The following IMMP2L variants were observed in gnomAD, a reference collection of about 807,000 sequenced individuals.
IMMP2L encodes mitochondrial inner membrane protease subunit 2.
Under a neutral mutation model 19.3 loss-of-function variants are expected in IMMP2L, and 18 were observed. The observed-to-expected ratio is 0.93, with a 90% CI of 0.64 to 1.38. The LOEUF (loss-of-function observed/expected upper bound fraction) is 1.38, where lower values mean the gene tolerates loss of function less well. Ranked by LOEUF, IMMP2L falls within the 40% of genes most tolerant of loss-of-function variation. IMMP2L has a pLI of 0.00. For missense variants in IMMP2L, 233 were observed against 218.2 expected (o/e 1.07, Z -0.43); for synonymous variants, 76 against 73.0 (o/e 1.04, Z -0.21).
At chr7:111,159,277 A>C (rs1047585074) in intron 3 of IMMP2L, among the ~76,000 whole-genome samples, 1 of 151,930 alleles carries the variant, frequency 6.6e-6, no homozygotes, top group African/African-American at 2.4e-5. Flanking sequence ...CACCACGCCC[A>C]GCTAATTTTT....
At chr7:110,676,136 T>C (rs1178769919) in intron 5 of IMMP2L, among the ~76,000 whole-genome samples, 2 of 152,244 alleles carry the variant, frequency 1.3e-5, no homozygotes, top group African/African-American at 4.8e-5. Context: ...TCAAAATTCA[T>C]GCTGCTCCCA....
At chr7:110,766,932 A>G (rs11981602) in intron 5 of IMMP2L, among the ~76,000 whole-genome samples, 60,672 of 151,888 alleles carry the variant, frequency 0.4, 12,281 homozygotes, top group African/African-American at 0.45. Flanking sequence ...GGAAACTTAC[A>G]GCAATTTTCA....
intron 3 of IMMP2L, among the ~76,000 whole-genome samples, chr7:111,371,862 T>C (rs1470665012): frequency 6.6e-6 from 1 of 152,104 alleles, no homozygotes; most frequent in African/African-American, 2.4e-5. Context: ...TAAAATATTG[T>C]GAAAACACTG....
chr7:111,055,749 G>A (rs1258339408), intron 3 of IMMP2L, among the ~76,000 whole-genome samples: 2 of 152,196 alleles, frequency 1.3e-5, no homozygotes, highest in African/African-American at 4.8e-5. Context: ...GAGGGATGAG[G>A]AAATTCAGGA....
chr7:110,825,264 A>G (rs1328510973), intron 5 of IMMP2L, among the ~76,000 whole-genome samples: 1 of 152,166 alleles, frequency 6.6e-6, no homozygotes, highest in Non-Finnish European at 1.5e-5. Context: ...ATACTGCCCA[A>G]GGTAATTTAT....
At position 111,503,659 on chromosome 7, in the gene IMMP2L, G is replaced by C. The variant is rs535672189; in HGVS notation, c.136-16318C>G. On this transcript the variant is annotated intron_variant, in intron 2 of 5. Transcript: ENST00000405709. The stretch of plus-strand genomic sequence containing the variant: ...GCTTCATCCCTGGGATGAAAGGCTA[G>C]TTCAACATACACAAATCAATAAATG... 7.9e-5 allele frequency among the ~76,000 whole-genome samples: 12 copies of C among 152,260 alleles called. No individual in the cohort carries two copies. The East Asian group carries it at 2.3e-3, about 29-fold the overall frequency.
intron 5 of IMMP2L, among the ~76,000 whole-genome samples, chr7:110,679,795 A>T (rs1231866647): frequency 1.3e-5 from 2 of 152,210 alleles, no homozygotes; most frequent in African/African-American, 4.8e-5. Context: ...GAAAATAAAC[A>T]ACCAGAAATG....
intron 3 of IMMP2L, among the ~76,000 whole-genome samples, chr7:111,243,071 T>C (rs1017359899): frequency 6.6e-5 from 10 of 152,114 alleles, no homozygotes; most frequent in Non-Finnish European, 1.2e-4. Context: ...GTGAAAAATA[T>C]TGTTACTAAA....
rs1281971366 is a variant in IMMP2L at position 111,268,527 on chromosome 7, T to C, written c.239+218711A>G. ...AAAAAAAGGAGCCAGAAGCGAAAAC[T>C]ACATTCCCAGGGTAGAGATATGAGT... On this transcript the variant is annotated intron_variant, in intron 3 of 5. Coordinates refer to ENST00000405709, the MANE Select transcript of IMMP2L (RefSeq NM_032549.4). 6.1e-5 allele frequency among the ~76,000 whole-genome samples: 8 copies of C among 131,436 alleles called. 1 individual carries two copies. The highest frequency in any genetic ancestry group is 1.6e-4 in the Admixed American group (2 of 12,828). 86.2% of individuals were successfully genotyped at this position (131,436 alleles called of 152,430 possible).
chr7:110,771,824 C>A (rs1049954865), intron 5 of IMMP2L, among the ~76,000 whole-genome samples: 1 of 152,096 alleles, frequency 6.6e-6, no homozygotes, highest in Non-Finnish European at 1.5e-5. Context: ...GGTAAGTAAT[C>A]TTATAACCTC....
intron 1 of IMMP2L, among the ~76,000 whole-genome samples, chr7:111,527,409 C>A (rs969770578): frequency 2.2e-5 from 3 of 135,118 alleles, no homozygotes; most frequent in African/African-American, 8.1e-5. Flanking sequence ...CAAACAAGAC[C>A]CTGTCTCCAA....
chr7:111,540,556 C>T (rs1369029696), intron 1 of IMMP2L, among the ~76,000 whole-genome samples: 1 of 152,092 alleles, frequency 6.6e-6, no homozygotes, highest in African/African-American at 2.4e-5. Flanking sequence ...GCACTGTAAC[C>T]CACAAGGCCC....
chr7:111,496,424 A>T (rs1427702143), intron 2 of IMMP2L, among the ~76,000 whole-genome samples: 1 of 152,120 alleles, frequency 6.6e-6, no homozygotes, highest in Non-Finnish European at 1.5e-5. Flanking sequence ...GAATGCTAAG[A>T]AAGCATTATT....
At chr7:111,339,427 T>C (rs1281424480) in intron 3 of IMMP2L, among the ~76,000 whole-genome samples, 1 of 152,000 alleles carries the variant, frequency 6.6e-6, no homozygotes, top group African/African-American at 2.4e-5. Context: ...AGTTGTTCTT[T>C]ATTAATATAC....
At chr7:110,756,284 C>T (rs1205561132) in intron 5 of IMMP2L, among the ~76,000 whole-genome samples, 2 of 151,956 alleles carry the variant, frequency 1.3e-5, no homozygotes, top group African/African-American at 2.4e-5. Context: ...TGTTCTGGCT[C>T]ATGGAGAATA....
chr7:111,039,447 A>T, intron 3 of IMMP2L, among the ~76,000 whole-genome samples: 1 of 152,216 alleles, frequency 6.6e-6, no homozygotes, highest in East Asian at 1.9e-4. Flanking sequence ...TGACACTTTA[A>T]GGAAGATATG....
intron 3 of IMMP2L, among the ~76,000 whole-genome samples, chr7:111,306,626 G>A (rs1451932561): frequency 6.6e-6 from 1 of 150,580 alleles, no homozygotes; most frequent in African/African-American, 2.4e-5. Context: ...GTGTGTGTGT[G>A]TGTGTGTGTG....
chr7:110,835,177 T>C (rs1462174139), intron 5 of IMMP2L, among the ~76,000 whole-genome samples: 1 of 152,074 alleles, frequency 6.6e-6, no homozygotes, highest in Non-Finnish European at 1.5e-5. Flanking sequence ...CTAACAATAG[T>C]AAGAACAAAA....
rs113424370 is a variant in IMMP2L at position 111,234,168 on chromosome 7, T to A, written c.239+253070A>T. Reference sequence around the variant, plus strand: ...TTTCCTTAATTCTTCTTTTATTTCTTTCTTAACCTATGGGTTATTTAGAGG... The same window carrying A: ...TTTCCTTAATTCTTCTTTTATTTCTATCTTAACCTATGGGTTATTTAGAGG... On this transcript the variant is annotated intron_variant, in intron 3 of 5. Transcript: ENST00000405709. 3.0e-3 allele frequency among the ~76,000 whole-genome samples: 463 copies of A among 152,248 alleles called. 3 individuals are homozygous for A. Among genetic ancestry groups the A allele is most frequent in the African/African-American group, 0.011 (440 of 41,560 alleles).
Sources: allele counts gnomAD v4.1 joint callset (sites outside exome capture counted in the v4.1 genomes callset), GRCh38; gene constraint gnomAD v4.1.1; transcripts MANE v1.5; gene names NCBI Gene and HGNC (gene_info 2026-07-23, HGNC 2026-07-21).